The following CEP152 variants were observed in gnomAD, a reference collection of about 807,000 sequenced individuals.
CEP152 encodes the protein centrosomal protein of 152 kDa.
A neutral mutation model predicts 188.9 loss-of-function variants in CEP152; 132 were observed. That is an observed-to-expected ratio of 0.70 (90% CI 0.61 to 0.81). The LOEUF (loss-of-function observed/expected upper bound fraction) is 0.81, where lower values mean the gene tolerates loss of function less well. Among genes scored for constraint, CEP152 ranks in the 30% least tolerant of loss-of-function variants. CEP152 has a pLI of 0.00. For synonymous variants in CEP152, 649 were observed against 666.6 expected, an observed-to-expected ratio of 0.97 and a Z score of 0.41; for missense variants, 1,914 against 1,969.8, an observed-to-expected ratio of 0.97 and a Z score of 0.54.
intron 20 of CEP152, among the ~76,000 whole-genome samples, chr15:48,754,683 G>T (rs759408999): frequency 6.6e-5 from 10 of 152,108 alleles, no homozygotes; most frequent in Non-Finnish European, 1.3e-4. Context: ...TGATCTTTCA[G>T]GTCCCTTCTG....
At position 48,768,973 on chromosome 15, in the gene CEP152, A is replaced by T. The variant is rs1895328087; in HGVS notation, c.1891T>A (p.Leu631Ile). 6.4e-7 allele frequency: 1 copy of T among 1,558,710 alleles called. No homozygotes were observed. Among genetic ancestry groups the T allele is most frequent in the African/African-American group, 1.4e-5 (1 of 73,816 alleles). The change falls in exon 14 of 27, where the codon TTA (leucine) becomes ATA (isoleucine). Residue 631 changes from leucine to isoleucine, a missense_variant. Transcript: ENST00000380950. ...ILLLKNEIQV[L>I]QQQNQELKET... The stretch of plus-strand genomic sequence containing the variant: ...TTAATCACCTGATTTTGTTGTTGTA[A>T]AACTTGAATTTCATTTTTAAGCAGC...
intron 23 of CEP152, 66 bp from the exon 24 acceptor site, chr15:48,744,409 A>G (rs1893257125): frequency 2.5e-6 from 4 of 1,581,588 alleles, no homozygotes; most frequent in South Asian, 1.1e-5. Flanking sequence ...TGAAAAATAT[A>G]TATGTATCCA....
At chr15:48,755,685 ATCTTG>A (rs966425725) in intron 20 of CEP152, among the ~76,000 whole-genome samples, 24 of 152,316 alleles carry the variant, frequency 1.6e-4, no homozygotes, top group South Asian at 2.1e-4. Flanking sequence ...AGAGGCTAAA[ATCTTG>A]TCTTGTATTT....
At chr15:48,763,741 G>C (rs1293037957) in intron 17 of CEP152, among the ~76,000 whole-genome samples, 1 of 151,994 alleles carries the variant, frequency 6.6e-6, no homozygotes, top group Non-Finnish European at 1.5e-5. Flanking sequence ...TTCTAAATAA[G>C]CTTTTAGGAT....
chr15:48,807,500 A>G (rs1782857140), intron 1 of CEP152, among the ~76,000 whole-genome samples: 1 of 151,300 alleles, frequency 6.6e-6, no homozygotes, highest in African/African-American at 2.4e-5. Context: ...GCTTGCAGTG[A>G]GCCGAGATTG....
At chr15:48,760,000 G>C in intron 19 of CEP152, 135 bp downstream of exon 19, 1 of 1,117,972 alleles carries the variant, frequency 8.9e-7, no homozygotes, top group Admixed American at 1.8e-5. Flanking sequence ...GCTAGGCTTT[G>C]AGCTATTGCT....
At position 48,769,038 on chromosome 15, in the gene CEP152, G is replaced by A; in HGVS notation, c.1826C>T (p.Pro609Leu). 7 of 1,604,924 alleles carry A rather than the reference G, an allele frequency of 4.4e-6. No individual in the cohort carries two copies. Among genetic ancestry groups the A allele is most frequent in the South Asian group, 1.1e-5 (1 of 90,620 alleles). Residue 609 changes from proline (P) to leucine (L), a missense_variant, in exon 14 of 27, where the codon CCT (proline) becomes CTT (leucine). Physicochemically the swap from Pro to Leu is moderately conservative, Grantham distance 98 (BLOSUM62 -3). Transcript: ENST00000380950. ...TSEKPKNQLWPESSTSDVVRD... is the reference protein window; with the variant it reads ...TSEKPKNQLWLESSTSDVVRD... ...GACAACATCAGAAGTAGAAGACTCA[G>A]GCCATAATTGATTCTTTGGTTTTTC...
At chr15:48,730,590 G>A (rs889754185) in intron 2 of CEP152, among the ~76,000 whole-genome samples, 3 of 152,184 alleles carry the variant, frequency 2.0e-5, no homozygotes, top group African/African-American at 7.2e-5. Flanking sequence ...AGTGGAGGAA[G>A]ACTGGAAAAT....
rs777941418 is a variant in CEP152, at chr15:48,797,517, A to G, written c.324T>C (p.Asn108=). Residue 108 remains asparagine, a synonymous_variant, in exon 5 of 27, where the codon AAT becomes AAC. Coordinates refer to ENST00000380950, the MANE Select transcript of CEP152 (RefSeq NM_001194998.2). ...GATGTCGGTCTTCAGTTTTACTTCT[A>G]TTTTCTTCCCAGACATTACCACATT... ...GEKCGNVWEE[N]RSKTEDRHPV... 3.7e-6 allele frequency: 6 copies of G among 1,613,822 alleles called. No homozygotes were observed. The African/African-American group carries it at 4.0e-5, about 11-fold the overall frequency.
At chr15:48,797,779 C>T (rs769342080) in intron 3 of CEP152, 49 bp from the exon 4 acceptor site, 63 of 1,593,676 alleles carry the variant, frequency 4.0e-5, no homozygotes, top group Non-Finnish European at 5.2e-5. Flanking sequence ...TTTATTTGTA[C>T]ATAGATAACA....
intron 20 of CEP152, among the ~76,000 whole-genome samples, chr15:48,754,536 C>T (rs938647120): frequency 4.6e-5 from 7 of 152,064 alleles, no homozygotes; most frequent in African/African-American, 1.7e-4. Context: ...CAAAAAATCT[C>T]AATTAAGTGT....
intron 1 of CEP152, among the ~76,000 whole-genome samples, chr15:48,808,919 T>C (rs768137126): frequency 1.3e-5 from 2 of 152,180 alleles, no homozygotes; most frequent in Non-Finnish European, 2.9e-5. Flanking sequence ...GTTTTGGTTT[T>C]CTTCTTCAAT....
chr15:48,807,006 A>G (rs936912627), intron 1 of CEP152, among the ~76,000 whole-genome samples: 24 of 152,194 alleles, frequency 1.6e-4, no homozygotes, highest in Non-Finnish European at 2.1e-4. Context: ...TCAAAGACTG[A>G]GTTATGTTTC....
chr15:48,738,845 C>T lies in CEP152; in HGVS notation c.4537G>A (p.Gly1513Ser). 6.2e-7 allele frequency: 1 copy of T among 1,614,122 alleles called. No homozygotes were observed. Among genetic ancestry groups the T allele is most frequent in the Non-Finnish European group, 8.5e-7 (1 of 1,180,006 alleles). Residue 1513 changes from glycine to serine, a missense_variant, in exon 27 of 27, where the codon GGT becomes AGT. Transcript: ENST00000380950. Reference protein sequence around the residue: ...GNKPSPRCTPGPSESGCMHIT... With the variant: ...GNKPSPRCTPSPSESGCMHIT... ...TGCATGCATCCTGATTCAGAAGGAC[C>T]AGGGGTACATCTAGGTGAGGGTTTA...
intron 7 of CEP152, 93 bp from the exon 8 acceptor site, chr15:48,791,469 A>T (rs1896984280): frequency 9.0e-7 from 1 of 1,108,392 alleles, no homozygotes; most frequent in Non-Finnish European, 1.3e-6. Context: ...TATCATATAT[A>T]AATGTTGTTG....
intron 2 of CEP152, among the ~76,000 whole-genome samples, chr15:48,732,533 A>C (rs1261248679): frequency 2.0e-5 from 3 of 151,576 alleles, no homozygotes; most frequent in Non-Finnish European, 4.4e-5. Flanking sequence ...AACAACACAC[A>C]CCAGGGCCTG....
Position 48,764,468 on chromosome 15 carries a change from G to C in CEP152, c.2281-1796C>G, listed in dbSNP as rs186936452. Among the ~76,000 whole-genome samples the C allele has an allele frequency of 8.5e-5, 13 of 152,084 alleles. No homozygotes were observed. In the East Asian group the frequency reaches 2.5e-3, roughly 29 times the overall value. On this transcript the variant is annotated intron_variant, in intron 17 of 26. Transcript: ENST00000380950. ...CCAAGTTAAAACATGAACTTGTTGT[G>C]CGTGTCTTGGATAGCAAAAAAAATC...
downstream of CEP152, among the ~76,000 whole-genome samples, chr15:48,737,075 A>C (rs545609290): frequency 9.2e-5 from 14 of 152,226 alleles, no homozygotes; most frequent in Middle Eastern, 3.4e-3. Flanking sequence ...CAATTTTTAG[A>C]CTTATTTATC....
At chr15:48,805,712 C>T in intron 1 of CEP152, 56 bp from the exon 2 acceptor site, 1 of 1,608,434 alleles carries the variant, frequency 6.2e-7, no homozygotes, top group South Asian at 1.1e-5. Flanking sequence ...CTCCCCAGGA[C>T]AAACTACATA....
Sources: allele counts gnomAD v4.1 joint callset (sites outside exome capture counted in the v4.1 genomes callset), GRCh38; gene constraint gnomAD v4.1.1; transcripts MANE v1.5; gene names NCBI Gene and HGNC (gene_info 2026-07-23, HGNC 2026-07-21).